The following DPF3 variants were observed in gnomAD, a reference collection of about 807,000 sequenced individuals.
DPF3 encodes the protein double PHD fingers 3.
DPF3 carries 18 observed loss-of-function variants against 56.8 expected under a neutral mutation model. That is an observed-to-expected ratio of 0.32 (90% CI 0.22 to 0.47). The LOEUF (loss-of-function observed/expected upper bound fraction) is 0.47, where lower values mean the gene tolerates loss of function less well. Ranked by LOEUF, DPF3 falls within the 20% of genes least tolerant of loss-of-function variation. The pLI, the probability that DPF3 is intolerant of heterozygous loss-of-function variation, is 1.00. For missense variants in DPF3, 403 were observed against 488.8 expected (o/e 0.82, Z 1.65); for synonymous variants, 188 against 180.2 (o/e 1.04, Z -0.35).
At chr14:72,651,632 T>C (rs1885912268) in intron 8 of DPF3, among the ~76,000 whole-genome samples, 2 of 152,222 alleles carry the variant, frequency 1.3e-5, no homozygotes, top group Admixed American at 6.5e-5. Context: ...TATTCGTTAT[T>C]TGCAAAGATG....
chr14:72,820,904 G>A (rs1477282345), intron 1 of DPF3, among the ~76,000 whole-genome samples: 1 of 151,970 alleles, frequency 6.6e-6, no homozygotes, highest in Non-Finnish European at 1.5e-5. Context: ...GGCTGAGGCA[G>A]GCAGATGACT....
intron 2 of DPF3, among the ~76,000 whole-genome samples, chr14:72,770,553 C>T: frequency 6.6e-6 from 1 of 152,144 alleles, no homozygotes; most frequent in East Asian, 1.9e-4. Context: ...AGATACATAA[C>T]AAAATATTTA....
At chr14:72,810,472 C>T (rs1238848643) in intron 1 of DPF3, among the ~76,000 whole-genome samples, 2 of 151,778 alleles carry the variant, frequency 1.3e-5, no homozygotes, top group African/African-American at 2.4e-5. Context: ...GGAAGGTGGG[C>T]GTGTGTGGGG....
chr14:72,886,577 T>C (rs764106259), intron 1 of DPF3, among the ~76,000 whole-genome samples: 4 of 152,154 alleles, frequency 2.6e-5, no homozygotes, highest in Non-Finnish European at 5.9e-5. Flanking sequence ...GTGTTATGTA[T>C]ATTTTAGCAC....
chr14:72,884,971 T>TATATATATATATATATATACA (rs10523148), intron 1 of DPF3, among the ~76,000 whole-genome samples: 1 of 111,686 alleles, frequency 9.0e-6, no homozygotes, highest in African/African-American at 3.1e-5. Context: ...TATATATATA[T>TATATATATATATATATATACA]TAGCCGGGCG....
intron 1 of DPF3, among the ~76,000 whole-genome samples, chr14:72,829,601 G>T (rs1883966671): frequency 6.6e-6 from 1 of 151,914 alleles, no homozygotes; most frequent in Admixed American, 6.6e-5. Flanking sequence ...GGCCAAGCTG[G>T]TCTCAAACTC....
chr14:72,833,036 C>A (rs1344357413), intron 1 of DPF3, among the ~76,000 whole-genome samples: 1 of 152,212 alleles, frequency 6.6e-6, no homozygotes, highest in East Asian at 1.9e-4. Flanking sequence ...GAAGTTTATC[C>A]TTCAGAAAAC....
intron 9 of DPF3, among the ~76,000 whole-genome samples, chr14:72,621,538 C>G (rs957352809): frequency 6.6e-6 from 1 of 152,138 alleles, no homozygotes; most frequent in African/African-American, 2.4e-5. Flanking sequence ...TGCTAAAACC[C>G]GTCAGTGGGG....
At chr14:72,770,035 T>C (rs1891457142) in intron 2 of DPF3, among the ~76,000 whole-genome samples, 1 of 152,222 alleles carries the variant, frequency 6.6e-6, no homozygotes, top group African/African-American at 2.4e-5. Context: ...ATGATAGTCC[T>C]GGATTGAATA....
At chr14:72,700,552 A>G (rs928224775) in intron 6 of DPF3, among the ~76,000 whole-genome samples, 1 of 152,100 alleles carries the variant, frequency 6.6e-6, no homozygotes, top group Non-Finnish European at 1.5e-5. Flanking sequence ...TTCTGAGATA[A>G]TCTTGAAAGT....
intron 1 of DPF3, among the ~76,000 whole-genome samples, chr14:72,876,337 C>T (rs1487787067): frequency 6.6e-6 from 1 of 152,184 alleles, no homozygotes. Flanking sequence ...AGTTCAACCC[C>T]TTAGTGAGAG....
intron 1 of DPF3, among the ~76,000 whole-genome samples, chr14:72,835,691 T>G (rs1408115199): frequency 6.6e-6 from 1 of 152,058 alleles, no homozygotes; most frequent in African/African-American, 2.4e-5. Context: ...CAGGAGAAGA[T>G]GGAGCATCGG....
rs959216980 is a variant in DPF3 at position 72,765,719 on chromosome 14, G to A, written c.193+6014C>T. 5.3e-5 allele frequency among the ~76,000 whole-genome samples: 8 copies of A among 152,326 alleles called. No homozygotes were observed. The East Asian group carries it at 5.8e-4, about 11-fold the overall frequency. On this transcript the variant is annotated intron_variant, in intron 2 of 10. Coordinates refer to ENST00000556509, the MANE Select transcript of DPF3 (RefSeq NM_001280542.3). The stretch of plus-strand genomic sequence containing the variant: ...TCCCAGAACTTTGGGAGGCCGAGGC[G>A]GGTGGATCACGAGGTCAGGAGATCG...
rs192924954 is a variant in DPF3, at chr14:72,760,340, G to A, written c.194-6969C>T. On this transcript the variant is annotated intron_variant, in intron 2 of 10. Transcript: ENST00000556509. Reference sequence around the variant, plus strand: ...ACAAAAATTAGCCAGGCATGGTGGCGCATGCCTGTAATCCATCAACACATC... The same window carrying A: ...ACAAAAATTAGCCAGGCATGGTGGCACATGCCTGTAATCCATCAACACATC... 3.5e-3 allele frequency among the ~76,000 whole-genome samples: 530 copies of A among 152,142 alleles called. 7 individuals are homozygous for A. The highest frequency in any genetic ancestry group is 0.012 in the African/African-American group (499 of 41,514).
At chr14:72,851,248 A>C (rs934810955) in intron 1 of DPF3, among the ~76,000 whole-genome samples, 1 of 152,216 alleles carries the variant, frequency 6.6e-6, no homozygotes, top group Non-Finnish European at 1.5e-5. Flanking sequence ...GACTCTGAAG[A>C]GGACCCCAGG....
At chr14:72,877,072 T>C (rs1886145211) in intron 1 of DPF3, among the ~76,000 whole-genome samples, 1 of 152,084 alleles carries the variant, frequency 6.6e-6, no homozygotes, top group Non-Finnish European at 1.5e-5. Context: ...AAGACGTAAA[T>C]AGTGAATGAA....
Position 72,813,723 on chromosome 14 carries a change from T to C in DPF3, c.33-41830A>G, listed in dbSNP as rs555846111. 6.6e-5 allele frequency among the ~76,000 whole-genome samples: 10 copies of C among 152,342 alleles called. No individual in the cohort carries two copies. The East Asian group carries it at 1.4e-3, about 21-fold the overall frequency. Reference sequence around the variant, plus strand: ...CCCCAGGCAGGGCACTTAACCTTTATGAATCTCATTTTTTAATCTGCAAAA... The same window carrying C: ...CCCCAGGCAGGGCACTTAACCTTTACGAATCTCATTTTTTAATCTGCAAAA... On this transcript the variant is annotated intron_variant, in intron 1 of 10. Transcript: ENST00000556509.
At chr14:72,620,052 G>T in intron 9 of DPF3, 68 bp from the exon 10 acceptor site, 1 of 1,429,518 alleles carries the variant, frequency 7.0e-7, no homozygotes, top group Non-Finnish European at 9.3e-7. Context: ...TCTGGCCCCC[G>T]CTTACCCATC....
At chr14:72,820,635 A>T (rs757481388) in intron 1 of DPF3, among the ~76,000 whole-genome samples, 3 of 152,180 alleles carry the variant, frequency 2.0e-5, no homozygotes, top group Non-Finnish European at 4.4e-5. Context: ...AGATTATTTG[A>T]CCCACTTCTA....
Sources: gnomAD v4.1 joint callset for allele counts (sites outside exome capture counted in the v4.1 genomes callset) on GRCh38, gnomAD v4.1.1 for gene constraint, MANE v1.5 for transcripts, NCBI Gene and HGNC (gene_info 2026-07-23, HGNC 2026-07-21) for gene names.